FBXO15: variants seen among roughly 807,000 people sequenced by gnomAD.
FBXO15 encodes the protein F-box only protein 15.
In FBXO15, 30 loss-of-function variants were observed where a neutral mutation model predicts 49.5. That is an observed-to-expected ratio of 0.61 (90% CI 0.45 to 0.82). The LOEUF is 0.82. Among genes scored for constraint, FBXO15 ranks in the 40% least tolerant of loss-of-function variants. FBXO15 has a pLI of 0.00. For synonymous variants in FBXO15, 250 were observed against 232.7 expected (o/e 1.07, Z -0.68); for missense variants, 591 against 631.5 (o/e 0.94, Z 0.69).
At chr18:74,083,622 G>A (rs1912599734) in intron 8 of FBXO15, among the ~76,000 whole-genome samples, 1 of 152,194 alleles carries the variant, frequency 6.6e-6, no homozygotes, top group South Asian at 2.1e-4. Context: ...GCAACTGCCT[G>A]AGCTAATAAA....
chr18:74,145,618 G>A (rs1308925699), intron 1 of FBXO15, among the ~76,000 whole-genome samples: 3 of 88,578 alleles, frequency 3.4e-5, no homozygotes, highest in Non-Finnish European at 5.8e-5. Context: ...TTTTTTTTGC[G>A]ACAGAGTCTG....
At position 74,124,498 on chromosome 18, in the gene FBXO15, G is replaced by A. The variant is rs202162459; in HGVS notation, c.986C>T (p.Ser329Leu). The A allele has an allele frequency of 3.5e-4, 567 of 1,613,662 alleles. 5 individuals carry two copies. In the South Asian group the frequency reaches 5.6e-3, roughly 16 times the overall value. The change falls in exon 7 of 10, where the codon TCG becomes TTG. Residue 329 changes from serine to leucine, a missense_variant. Transcript: ENST00000419743. ...HHLVERSTLGSATIPYELPPH... is the reference protein window; with the variant it reads ...HHLVERSTLGLATIPYELPPH... ...ACATATAAATACATACATAGTAGCC[G>A]AGCCTAATGTGCTCCTCTCCACAAG...
Position 74,124,546 on chromosome 18 carries a change from A to T in FBXO15, c.938T>A (p.Met313Lys). 6.2e-7 allele frequency: 1 copy of T among 1,614,126 alleles called. No homozygotes were observed. Among genetic ancestry groups the T allele is most frequent in the South Asian group, 1.1e-5 (1 of 91,086 alleles). ...WKKEEELAFV[M>K]ANLHFHHLVE... Reference sequence around the variant, plus strand: ...AAGGTGATGAAAATGAAGATTTGCCATAACAAAAGCCAGTTCTTCCTCCTT... The same window carrying T: ...AAGGTGATGAAAATGAAGATTTGCCTTAACAAAAGCCAGTTCTTCCTCCTT... The change falls in exon 7 of 10, where the codon ATG becomes AAG. Residue 313 changes from methionine to lysine, a missense_variant. Met to Lys is a moderately conservative substitution (Grantham distance 95, BLOSUM62 -1). Coordinates refer to ENST00000419743, the MANE Select transcript of FBXO15 (RefSeq NM_001142958.2).
chr18:74,093,457 C>T (rs554539307), intron 8 of FBXO15, among the ~76,000 whole-genome samples: 1 of 152,286 alleles, frequency 6.6e-6, no homozygotes, highest in Admixed American at 6.5e-5. Flanking sequence ...CAAGGCAGCA[C>T]TGCAAGCAGG....
chr18:74,132,092 C>A (rs529033994), intron 3 of FBXO15, among the ~76,000 whole-genome samples: 10 of 152,194 alleles, frequency 6.6e-5, no homozygotes, highest in Non-Finnish European at 1.3e-4. Context: ...TCACTTCATG[C>A]CTAGCTTTTA....
chr18:74,107,482 A>C (rs1049051162), intron 8 of FBXO15, among the ~76,000 whole-genome samples: 1 of 152,216 alleles, frequency 6.6e-6, no homozygotes, highest in Non-Finnish European at 1.5e-5. Context: ...TTAGATCTAT[A>C]AGAAAAGTGA....
chr18:74,076,721 T>C (rs1038847995), intron 9 of FBXO15, among the ~76,000 whole-genome samples: 86 of 152,288 alleles, frequency 5.6e-4, no homozygotes, highest in Admixed American at 5.4e-3. Context: ...CATATCACCC[T>C]GAGACAACTT....
intron 8 of FBXO15, among the ~76,000 whole-genome samples, chr18:74,084,123 C>T (rs9945464): frequency 0.048 from 7,290 of 152,238 alleles, 605 homozygotes; most frequent in African/African-American, 0.16. Flanking sequence ...TAATTACTAG[C>T]CAATAATTTA....
intron 3 of FBXO15, among the ~76,000 whole-genome samples, chr18:74,134,828 G>A (rs996292485): frequency 6.6e-6 from 1 of 152,016 alleles, no homozygotes; most frequent in Non-Finnish European, 1.5e-5. Flanking sequence ...TGTCCACCAT[G>A]TTCCAGGGTT....
At chr18:74,130,298 T>C in intron 4 of FBXO15, 118 bp downstream of exon 4, 1 of 1,360,156 alleles carries the variant, frequency 7.4e-7, no homozygotes, top group Middle Eastern at 1.9e-4. Flanking sequence ...ATTTTATAGA[T>C]GCACAAAACA....
intron 1 of FBXO15, among the ~76,000 whole-genome samples, chr18:74,144,943 GTA>G (rs1449925643): frequency 6.6e-6 from 1 of 152,190 alleles, no homozygotes; most frequent in Non-Finnish European, 1.5e-5. Flanking sequence ...CACCTGTTTT[GTA>G]AACATATATG....
At chr18:74,139,157 C>G (rs182233170) in intron 2 of FBXO15, among the ~76,000 whole-genome samples, 2 of 152,166 alleles carry the variant, frequency 1.3e-5, no homozygotes, top group African/African-American at 4.8e-5. Context: ...TAAGTCTTTC[C>G]TCACCACGCC....
chr18:74,140,456 G>A, intron 1 of FBXO15, 144 bp from the exon 2 acceptor site: 2 of 718,132 alleles, frequency 2.8e-6, no homozygotes, highest in South Asian at 2.5e-5. Context: ...AAAAAGGAAG[G>A]GAAGAAGAAA....
intron 1 of FBXO15, among the ~76,000 whole-genome samples, chr18:74,144,734 T>G (rs1053602124): frequency 5.3e-5 from 8 of 152,206 alleles, no homozygotes; most frequent in African/African-American, 1.9e-4. Context: ...AGCCTTTGTG[T>G]TGATTTTGCA....
intron 3 of FBXO15, among the ~76,000 whole-genome samples, chr18:74,132,295 A>C (rs1224127903): frequency 3.3e-5 from 5 of 152,194 alleles, no homozygotes; most frequent in Admixed American, 2.6e-4. Context: ...TATTTTATTC[A>C]GCATCTCACC....
At chr18:74,129,022 T>C (rs1978307130) in intron 5 of FBXO15, among the ~76,000 whole-genome samples, 1 of 137,582 alleles carries the variant, frequency 7.3e-6, no homozygotes, top group Non-Finnish European at 1.6e-5. Context: ...AAATAACTCA[T>C]AATTATGACT....
At chr18:74,106,791 A>G (rs993941501) in intron 8 of FBXO15, among the ~76,000 whole-genome samples, 3 of 152,206 alleles carry the variant, frequency 2.0e-5, no homozygotes, top group African/African-American at 7.2e-5. Flanking sequence ...GATATTTTTC[A>G]AAATAATGGT....
chr18:74,098,542 G>T (rs902572164), intron 8 of FBXO15: 1 of 152,124 alleles, frequency 6.6e-6, no homozygotes, highest in Non-Finnish European at 1.5e-5. Flanking sequence ...CAAGGTTTTT[G>T]AATTAACCCA....
rs869044051 is a variant in FBXO15, at chr18:74,123,580, C to CT, written c.996-71dup. The CT allele has an allele frequency of 5.9e-6, 9 of 1,518,330 alleles. No individual in the cohort carries two copies. The South Asian group carries it at 9.1e-5, about 15-fold the overall frequency. The allele number at this position is 1,518,330 out of a possible 1,614,324, so 94.1% of individuals were successfully genotyped here. On this transcript the variant is annotated intron_variant, in intron 7 of 9. Transcript: ENST00000419743. Reference sequence around the variant, plus strand: ...GGATAAAATTCTTGGTTTGAAAATACTTTTTAAAAAATTACCATCTGTATC... The same window carrying CT: ...GGATAAAATTCTTGGTTTGAAAATACTTTTTTAAAAAATTACCATCTGTATC...
Sources: gnomAD v4.1 joint callset for allele counts (sites outside exome capture counted in the v4.1 genomes callset) on GRCh38, gnomAD v4.1.1 for gene constraint, MANE v1.5 for transcripts, NCBI Gene and HGNC (gene_info 2026-07-23, HGNC 2026-07-21) for gene names.